PDE1C: variants seen among roughly 807,000 people sequenced by gnomAD.
The protein encoded by PDE1C is phosphodiesterase 1C.
PDE1C carries 62 observed loss-of-function variants against 93.1 expected under a neutral mutation model. The ratio of observed to expected loss-of-function variants is 0.67; its 90% CI spans 0.54 to 0.82. PDE1C has a LOEUF of 0.82. PDE1C is among the 40% of genes least tolerant of loss of function. PDE1C has a pLI of 0.00. For missense variants in PDE1C, 742 were observed against 884.6 expected (o/e 0.84, Z 2.04); for synonymous variants, 325 against 310.1 (o/e 1.05, Z -0.50).
chr7:32,298,982 C>G, exon 1 of PDE1C: 1 of 1,281,740 alleles, frequency 7.8e-7, no homozygotes, highest in Non-Finnish European at 9.8e-7. Flanking sequence ...ATCTCCAAGC[C>G]GAGTTCCAGA....
intron 16 of PDE1C, among the ~76,000 whole-genome samples, chr7:31,780,773 G>C (rs541690959): frequency 6.7e-6 from 1 of 149,860 alleles, no homozygotes; most frequent in African/African-American, 2.4e-5. Flanking sequence ...GTATGTGCAT[G>C]TGCGCATGCG....
intron 11 of PDE1C, among the ~76,000 whole-genome samples, chr7:31,836,477 G>T (rs1348849639): frequency 6.6e-6 from 1 of 152,076 alleles, no homozygotes. Flanking sequence ...TGGGATTACA[G>T]GCACCCACCA....
intron 1 of PDE1C, among the ~76,000 whole-genome samples, chr7:32,318,623 C>T (rs1783221514): frequency 6.6e-6 from 1 of 152,182 alleles, no homozygotes; most frequent in Admixed American, 6.5e-5. Context: ...TCTTGGGCAG[C>T]GTGGTGTCTT....
chr7:32,103,133 C>T (rs1447266090), intron 3 of PDE1C, among the ~76,000 whole-genome samples: 1 of 151,942 alleles, frequency 6.6e-6, no homozygotes, highest in Admixed American at 6.6e-5. Context: ...CTATCTCATG[C>T]AATATCCTAT....
At chr7:31,724,548 G>A in the PDE1C span, among the ~76,000 whole-genome samples, 11 of 152,152 alleles carry the variant, frequency 7.2e-5, no homozygotes, top group Non-Finnish European at 1.2e-4. Flanking sequence ...GGCATTGATC[G>A]TTCTTTCCCG....
rs149378009 is a variant in PDE1C, at chr7:31,972,919, T to C, written c.128+78635A>G. Among the ~76,000 whole-genome samples the C allele has an allele frequency of 8.7e-3, 1,318 of 152,108 alleles. 15 individuals carry two copies. Among genetic ancestry groups the C allele is most frequent in the Middle Eastern group, 0.041 (12 of 294 alleles). Reference sequence around the variant, plus strand: ...AATTTGGTGATGCCAGGCCAACCCATAGAAGCACTTTTCACCCTCACAGGT... The same window carrying C: ...AATTTGGTGATGCCAGGCCAACCCACAGAAGCACTTTTCACCCTCACAGGT... On this transcript the variant is annotated intron_variant, in intron 2 of 17. Transcript: ENST00000396191.
rs558070570 is a variant in PDE1C, at chr7:31,822,552, C to T, written c.1582+521G>A. On this transcript the variant is annotated intron_variant, in intron 14 of 17. Coordinates refer to ENST00000396191, the MANE Select transcript of PDE1C (RefSeq NM_001191057.4). ...TCTGCTTCAGGGAATTTCTGTTTAC[C>T]GACAATTTACCATCATCTCAGAAGA... 1.7e-4 allele frequency among the ~76,000 whole-genome samples: 26 copies of T among 152,076 alleles called. 1 individual carries two copies. In the South Asian group the frequency reaches 5.2e-3, roughly 30 times the overall value.
At chr7:32,252,362 T>G (rs546006014) in intron 1 of PDE1C, among the ~76,000 whole-genome samples, 62 of 152,358 alleles carry the variant, frequency 4.1e-4, no homozygotes, top group African/African-American at 1.4e-3. Context: ...AAGATGGGCT[T>G]TAACAACAAA....
intron 2 of PDE1C, among the ~76,000 whole-genome samples, chr7:31,953,575 T>C (rs1219724099): frequency 6.6e-6 from 1 of 152,196 alleles, no homozygotes; most frequent in Non-Finnish European, 1.5e-5. Flanking sequence ...AGATTTTGTT[T>C]TCACTTCAAA....
intron 9 of PDE1C, 128 bp downstream of exon 9, chr7:31,847,840 A>G (rs1792823750): frequency 1.0e-6 from 1 of 968,562 alleles, no homozygotes; most frequent in Non-Finnish European, 1.6e-6. Context: ...AGTGAGAGAA[A>G]GAAAGAGAGA....
chr7:32,198,927 G>C (rs1804806057), intron 2 of PDE1C, among the ~76,000 whole-genome samples: 2 of 151,996 alleles, frequency 1.3e-5, no homozygotes, highest in Non-Finnish European at 2.9e-5. Flanking sequence ...GACCAGCCTG[G>C]CCAACATGGT....
At chr7:32,197,267 T>A (rs1218991814) in intron 2 of PDE1C, among the ~76,000 whole-genome samples, 1 of 152,142 alleles carries the variant, frequency 6.6e-6, no homozygotes, top group African/African-American at 2.4e-5. Context: ...TTCACACACA[T>A]TAGGGTTAAA....
chr7:32,111,884 T>C (rs1233757732), intron 3 of PDE1C, among the ~76,000 whole-genome samples: 1 of 152,200 alleles, frequency 6.6e-6, no homozygotes, highest in East Asian at 1.9e-4. Context: ...TGCAAGATAA[T>C]ATAGATGGTC....
chr7:31,875,453 T>C (rs1356025207), intron 5 of PDE1C, among the ~76,000 whole-genome samples: 1 of 152,050 alleles, frequency 6.6e-6, no homozygotes, highest in Admixed American at 6.5e-5. Context: ...GGCCAAAATA[T>C]GGACCCTCCA....
the PDE1C span, among the ~76,000 whole-genome samples, chr7:31,646,559 A>G: frequency 6.6e-6 from 1 of 152,196 alleles, no homozygotes; most frequent in South Asian, 2.1e-4. Flanking sequence ...CTCCAGGGTG[A>G]CCAAGTGTGG....
At chr7:32,223,024 T>A (rs116636501) in intron 1 of PDE1C, among the ~76,000 whole-genome samples, 3,414 of 152,256 alleles carry the variant, frequency 0.022, 133 homozygotes, top group African/African-American at 0.076. Flanking sequence ...TTCCAGCTTC[T>A]CCCCTGAAAT....
intron 5 of PDE1C, among the ~76,000 whole-genome samples, chr7:31,877,468 C>T (rs1420634172): frequency 6.6e-6 from 1 of 152,028 alleles, no homozygotes; most frequent in East Asian, 1.9e-4. Context: ...TGCAGTAAAA[C>T]ATTACTAAGA....
intron 1 of PDE1C, among the ~76,000 whole-genome samples, chr7:32,318,391 T>C (rs1416657169): frequency 1.3e-5 from 2 of 152,142 alleles, no homozygotes; most frequent in Admixed American, 1.3e-4. Context: ...AGGAACCTCA[T>C]TTTGGGAAAA....
intron 1 of PDE1C, among the ~76,000 whole-genome samples, chr7:32,267,009 G>A (rs545499073): frequency 4.3e-4 from 66 of 152,338 alleles, no homozygotes; most frequent in African/African-American, 1.3e-3. Context: ...CAGCAAGGCC[G>A]TCTGGGAGCA....
Sources: allele counts gnomAD v4.1 joint callset (sites outside exome capture counted in the v4.1 genomes callset), GRCh38; gene constraint gnomAD v4.1.1; transcripts MANE v1.5; gene names NCBI Gene and HGNC (gene_info 2026-07-23, HGNC 2026-07-21).